Variants in TMEM117 observed in about 807,000 individuals in gnomAD.
TMEM117 encodes the protein transmembrane protein 117.
A neutral mutation model predicts 52.4 loss-of-function variants in TMEM117; 27 were observed. That is an observed-to-expected ratio of 0.51 (90% CI 0.38 to 0.71). The LOEUF (loss-of-function observed/expected upper bound fraction) is 0.71, where lower values mean the gene tolerates loss of function less well. Ranked by LOEUF, TMEM117 falls within the 30% of genes least tolerant of loss-of-function variation. The pLI is 0.00. For missense variants in TMEM117, 556 were observed against 630.5 expected (o/e 0.88, Z 1.26); for synonymous variants, 215 against 206.3 (o/e 1.04, Z -0.36).
intron 3 of TMEM117, among the ~76,000 whole-genome samples, chr12:44,103,679 G>A (rs1476665438): frequency 6.6e-6 from 1 of 151,874 alleles, no homozygotes; most frequent in Non-Finnish European, 1.5e-5. Context: ...GCATGCTGAT[G>A]GATCCCAGCA....
intron 5 of TMEM117, among the ~76,000 whole-genome samples, chr12:44,287,127 A>AC (rs1490446021): frequency 1.3e-5 from 2 of 152,184 alleles, no homozygotes; most frequent in African/African-American, 4.8e-5. Flanking sequence ...AGCTCTGTTA[A>AC]CCCTTCTTAG....
In TMEM117 at chr12:44,008,558, C is replaced by T. The variant is rs573517334; in HGVS notation, c.410+64216C>T. 4.1e-4 allele frequency: 74 copies of T among 179,830 alleles called. 1 individual carries two copies. The South Asian group carries it at 5.0e-3, about 12-fold the overall frequency. The allele number at this position is 179,830 out of a possible 1,614,324, so 11.1% of individuals were successfully genotyped here. A position where few individuals can be genotyped will look rare whatever the true frequency, so the allele number is the denominator to read the frequency against. ...TCTGTTGATGACAGATTGCTATCAT[C>T]GAGTGCCTCATAATTTTGTATTCTT... On this transcript the variant is annotated intron_variant, in intron 3 of 7. Coordinates refer to ENST00000266534, the MANE Select transcript of TMEM117 (RefSeq NM_032256.3).
chr12:44,318,499 G>A (rs1951088068), intron 6 of TMEM117: 1 of 152,108 alleles, frequency 6.6e-6, no homozygotes, highest in Non-Finnish European at 1.5e-5. Flanking sequence ...GGTGGCTAAG[G>A]TTGCTGATCC....
At chr12:44,163,243 A>G (rs1948921316) in intron 4 of TMEM117, among the ~76,000 whole-genome samples, 1 of 152,210 alleles carries the variant, frequency 6.6e-6, no homozygotes, top group Non-Finnish European at 1.5e-5. Flanking sequence ...TGACTGCATT[A>G]TTTTTAAATT....
the TMEM117 span, among the ~76,000 whole-genome samples, chr12:43,819,060 A>G: frequency 1.3e-5 from 2 of 152,330 alleles, no homozygotes; most frequent in African/African-American, 2.4e-5. Flanking sequence ...ACAGAATTGT[A>G]CAGGGAGAGG....
intron 4 of TMEM117, among the ~76,000 whole-genome samples, chr12:44,183,993 A>T (rs563116990): frequency 6.6e-6 from 1 of 152,132 alleles, no homozygotes; most frequent in African/African-American, 2.4e-5. Context: ...ACCAATCTAG[A>T]TACTGCTGGG....
chr12:44,113,964 C>A (rs576586501), intron 3 of TMEM117, among the ~76,000 whole-genome samples: 27 of 136,782 alleles, frequency 2.0e-4, no homozygotes, highest in South Asian at 9.3e-4. Flanking sequence ...GGGAGTGACC[C>A]GATTTTCCAG....
chr12:44,270,035 A>ATG (rs1261625893), intron 5 of TMEM117, among the ~76,000 whole-genome samples: 1 of 152,154 alleles, frequency 6.6e-6, no homozygotes, highest in African/African-American at 2.4e-5. Context: ...TTGTCATTTA[A>ATG]GTGCAATAAT....
At chr12:44,052,748 T>C (rs1365213206) in intron 3 of TMEM117, among the ~76,000 whole-genome samples, 3 of 152,170 alleles carry the variant, frequency 2.0e-5, no homozygotes, top group Admixed American at 6.5e-5. Context: ...CATTGTGTAA[T>C]TGCTTTCTTC....
chr12:43,819,493 G>T, the TMEM117 span, among the ~76,000 whole-genome samples: 2 of 152,246 alleles, frequency 1.3e-5, no homozygotes, highest in East Asian at 3.9e-4. Context: ...TGAAACAGGC[G>T]GCTGGGCGGG....
In TMEM117 at chr12:44,181,493, C is replaced by T. The variant is rs1326955130; in HGVS notation, c.511-29797C>T. ...AGGGTTTTTATGGTTTTAGGTCTAA[C>T]GTTTAAGTCCTTAATCCATCTTGAA... On this transcript the variant is annotated intron_variant, in intron 4 of 7. Coordinates refer to ENST00000266534, the MANE Select transcript of TMEM117 (RefSeq NM_032256.3). 6.0e-5 allele frequency among the ~76,000 whole-genome samples: 9 copies of T among 150,302 alleles called. No individual in the cohort carries two copies. The East Asian group carries it at 1.4e-3, about 23-fold the overall frequency.
chr12:44,239,054 A>G (rs1433477445), intron 5 of TMEM117, among the ~76,000 whole-genome samples: 2 of 152,102 alleles, frequency 1.3e-5, no homozygotes, highest in Non-Finnish European at 2.9e-5. Flanking sequence ...CCATTTTTCA[A>G]TCCCAGTGTA....
At chr12:44,224,882 T>A (rs1423946011) in intron 5 of TMEM117, among the ~76,000 whole-genome samples, 1 of 152,034 alleles carries the variant, frequency 6.6e-6, no homozygotes, top group Non-Finnish European at 1.5e-5. Context: ...CTTCCTCAGC[T>A]CTCTTCCCAA....
chr12:44,355,291 A>AAAACTATTTT (rs1363215221), intron 6 of TMEM117, among the ~76,000 whole-genome samples: 1 of 152,004 alleles, frequency 6.6e-6, no homozygotes, highest in Non-Finnish European at 1.5e-5. Flanking sequence ...TAGTGTTTTG[A>AAAACTATTTT]GTTTCTCAAA....
chr12:43,958,105 T>G (rs1015593460), intron 3 of TMEM117, among the ~76,000 whole-genome samples: 1 of 152,244 alleles, frequency 6.6e-6, no homozygotes, highest in Non-Finnish European at 1.5e-5. Context: ...AATAAGCACT[T>G]GTTATTTTGT....
chr12:44,337,871 G>A (rs911485435), intron 6 of TMEM117, among the ~76,000 whole-genome samples: 4 of 152,076 alleles, frequency 2.6e-5, no homozygotes, highest in African/African-American at 9.7e-5. Flanking sequence ...GAAAAATGTA[G>A]CCTAACAGTG....
At chr12:44,177,615 T>C (rs1043765168) in intron 4 of TMEM117, among the ~76,000 whole-genome samples, 3 of 152,190 alleles carry the variant, frequency 2.0e-5, no homozygotes, top group Non-Finnish European at 4.4e-5. Flanking sequence ...TCTCATTCTA[T>C]TCACCATGCT....
chr12:43,807,754 C>T, the TMEM117 span, among the ~76,000 whole-genome samples: 2 of 152,284 alleles, frequency 1.3e-5, no homozygotes, highest in East Asian at 3.9e-4. Flanking sequence ...ACCCTGACAG[C>T]CACCAGAAAG....
chr12:43,799,832 T>A, the TMEM117 span, among the ~76,000 whole-genome samples: 3 of 152,104 alleles, frequency 2.0e-5, no homozygotes, highest in African/African-American at 4.8e-5. Context: ...AACTGCCCAA[T>A]GATTATCCAA....
Sources: gnomAD v4.1 joint callset for allele counts (sites outside exome capture counted in the v4.1 genomes callset) on GRCh38, gnomAD v4.1.1 for gene constraint, MANE v1.5 for transcripts, NCBI Gene and HGNC (gene_info 2026-07-23, HGNC 2026-07-21) for gene names.